STK3: variants seen among roughly 807,000 people sequenced by gnomAD.
The protein encoded by STK3 is serine/threonine-protein kinase 3.
A neutral mutation model predicts 58.0 loss-of-function variants in STK3; 41 were observed. The ratio of observed to expected loss-of-function variants is 0.71; its 90% CI spans 0.55 to 0.92. The LOEUF (loss-of-function observed/expected upper bound fraction) is 0.92, where lower values mean the gene tolerates loss of function less well. STK3 is among the 40% of genes least tolerant of loss of function. STK3 has a pLI of 0.00. For synonymous variants in STK3, 170 were observed against 191.0 expected, an observed-to-expected ratio of 0.89 and a Z score of 0.91; for missense variants, 479 against 602.7, an observed-to-expected ratio of 0.79 and a Z score of 2.15.
chr8:98,411,431 C>T (rs75557161), intron 3 of STK3, among the ~76,000 whole-genome samples: 22 of 152,350 alleles, frequency 1.4e-4, no homozygotes, highest in African/African-American at 4.6e-4. Flanking sequence ...ACACTCAATA[C>T]GTCTCCTCAT....
chr8:98,404,652 C>T (rs935297864), intron 3 of STK3, among the ~76,000 whole-genome samples: 2 of 134,232 alleles, frequency 1.5e-5, no homozygotes, highest in African/African-American at 2.9e-5. Context: ...TGCACTCCAG[C>T]CTGGGTGAAA....
In STK3 at chr8:98,759,468, T is replaced by C. The variant is rs191360780; in HGVS notation, c.236+7775A>G. Among the ~76,000 whole-genome samples, 3 of 152,148 alleles carry C rather than the reference T, an allele frequency of 2.0e-5. No individual in the cohort carries two copies. The East Asian group carries it at 5.8e-4, about 29-fold the overall frequency. On this transcript the variant is annotated intron_variant, in intron 3 of 10. Transcript: ENST00000419617. ...CCTCAAAACAATTACAACAGTAACA[T>C]CAAAGATCACTGATCACAGATCACC...
chr8:98,769,364 T>C (rs1021246380), intron 2 of STK3, among the ~76,000 whole-genome samples: 4 of 152,194 alleles, frequency 2.6e-5, no homozygotes, highest in African/African-American at 4.8e-5. Context: ...GTTCTCATGA[T>C]AGTGAATGGG....
intron 1 of STK3, among the ~76,000 whole-genome samples, chr8:98,886,818 C>T (rs1347836853): frequency 6.6e-6 from 1 of 152,102 alleles, no homozygotes; most frequent in African/African-American, 2.4e-5. Flanking sequence ...ATCTTTTGGG[C>T]CAGGCACGGT....
chr8:98,618,129 T>C (rs532200648), intron 6 of STK3, among the ~76,000 whole-genome samples: 1 of 151,910 alleles, frequency 6.6e-6, no homozygotes. Flanking sequence ...TCAAGTGGGC[T>C]TCATCCCTGG....
intron 8 of STK3, among the ~76,000 whole-genome samples, chr8:98,554,730 C>T (rs947861388): frequency 1.2e-4 from 18 of 152,030 alleles, no homozygotes; most frequent in East Asian, 9.7e-4. Context: ...ACTAGTTAAA[C>T]GAAATTAGAA....
At chr8:98,701,827 TTGG>T (rs1825647934) in intron 6 of STK3, among the ~76,000 whole-genome samples, 2 of 152,124 alleles carry the variant, frequency 1.3e-5, no homozygotes, top group African/African-American at 4.8e-5. Flanking sequence ...CAAAATTAAT[TTGG>T]TGGTTTCATA....
intron 8 of STK3, among the ~76,000 whole-genome samples, chr8:98,558,249 T>G (rs1366005774): frequency 1.3e-5 from 2 of 151,996 alleles, no homozygotes; most frequent in Non-Finnish European, 2.9e-5. Flanking sequence ...AGACTAAAAT[T>G]CCACTATTTG....
chr8:98,648,904 A>T (rs938252497), intron 6 of STK3, among the ~76,000 whole-genome samples: 3 of 151,760 alleles, frequency 2.0e-5, no homozygotes, highest in South Asian at 2.1e-4. Context: ...AAAAAAAAAA[A>T]AATTAGCCCG....
At chr8:98,638,415 T>C (rs1819776332) in intron 6 of STK3, 1 of 152,204 alleles carries the variant, frequency 6.6e-6, no homozygotes, top group South Asian at 2.1e-4. Context: ...AGATGGAAAT[T>C]ATTTACTCTA....
chr8:98,501,088 T>C lies in STK3; in HGVS notation c.1317+25654A>G, dbSNP rs192397420. On this transcript the variant is annotated intron_variant, in intron 10 of 10. Coordinates refer to ENST00000419617, the MANE Select transcript of STK3 (RefSeq NM_006281.4). ...CAGCATCTGTTGTTTCCTGACTTTTTAATGATCGCCATTCTAACCGGCATG... is the reference window on the plus strand; with the variant it reads ...CAGCATCTGTTGTTTCCTGACTTTTCAATGATCGCCATTCTAACCGGCATG... 5.9e-3 allele frequency among the ~76,000 whole-genome samples: 892 copies of C among 152,296 alleles called. 6 individuals are homozygous for C. The highest frequency in any genetic ancestry group is 0.02 in the African/African-American group (817 of 41,568).
rs1563702776 is a variant in STK3 at position 98,526,888 on chromosome 8, G to A, written c.1171C>T (p.Pro391Ser). ...RNATSPQVQR[P>S]SFMDYFDKQD... The stretch of plus-strand genomic sequence containing the variant: ...TTATCAAAGTAGTCCATGAAAGATG[G>A]TCTTTGTACTTGTGGTGAGGTTGCA... Residue 391 changes from proline (P) to serine (S), a missense_variant, in exon 10 of 11, where the codon CCA becomes TCA. By Grantham distance (74) the Pro-to-Ser change is moderately conservative (BLOSUM62 -1). This residue lies in a region of STK3 where 309 missense variants were observed against 355.7 expected (regional missense o/e 0.87). Transcript: ENST00000419617. The A allele has an allele frequency of 4.4e-6, 7 of 1,583,748 alleles. No individual in the cohort carries two copies. In the Middle Eastern group the frequency reaches 8.4e-4, roughly 191 times the overall value.
intron 8 of STK3, among the ~76,000 whole-genome samples, chr8:98,567,268 A>G (rs2131663872): frequency 6.6e-6 from 1 of 152,256 alleles, no homozygotes; most frequent in South Asian, 2.1e-4. Flanking sequence ...CGCAAAGTCG[A>G]CTCAATGCAA....
chr8:98,940,182 C>A (rs1840354805), intron 1 of STK3, among the ~76,000 whole-genome samples: 2 of 152,150 alleles, frequency 1.3e-5, no homozygotes, highest in South Asian at 4.1e-4. Context: ...GAGCCGTATC[C>A]AGCTTGTGCA....
chr8:98,726,818 A>G (rs1827827177), intron 4 of STK3, among the ~76,000 whole-genome samples: 1 of 152,190 alleles, frequency 6.6e-6, no homozygotes, highest in Admixed American at 6.5e-5. Context: ...CTTGAGAAAC[A>G]TCAACCTTAC....
At chr8:98,527,884 AATTT>A (rs1392753999) in intron 9 of STK3, among the ~76,000 whole-genome samples, 1 of 152,124 alleles carries the variant, frequency 6.6e-6, no homozygotes, top group Non-Finnish European at 1.5e-5. Flanking sequence ...GTTGCCAATT[AATTT>A]ACCAGTTCTA....
chr8:98,939,760 T>C (rs1840335296), intron 1 of STK3, among the ~76,000 whole-genome samples: 1 of 152,252 alleles, frequency 6.6e-6, no homozygotes, highest in Non-Finnish European at 1.5e-5. Context: ...CGTGCCCTAG[T>C]CTTTTCCGAG....
chr8:98,840,633 A>G lies in STK3; in HGVS notation c.110+43014T>C, dbSNP rs747706173. On this transcript the variant is annotated intron_variant, in intron 3 of 12. Transcript: ENST00000523601. The stretch of plus-strand genomic sequence containing the variant: ...TATATATATATATATATATATACAC[A>G]CACATACGTTTTATATATATTTATA... Among the ~76,000 whole-genome samples the G allele has an allele frequency of 9.5e-4, 133 of 140,016 alleles. 2 individuals carry two copies. The highest frequency in any genetic ancestry group is 2.2e-3 in the South Asian group (10 of 4,464). The allele number at this position is 140,016 out of a possible 152,430, so 91.9% of individuals were successfully genotyped here.
chr8:98,589,409 C>CG (rs780015446), intron 7 of STK3, among the ~76,000 whole-genome samples: 1 of 152,200 alleles, frequency 6.6e-6, no homozygotes, highest in Non-Finnish European at 1.5e-5. Flanking sequence ...TTAGGCTGCC[C>CG]GGGGGTCAGG....
Sources: gnomAD v4.1 joint callset for allele counts (sites outside exome capture counted in the v4.1 genomes callset) on GRCh38, gnomAD v4.1.1 for gene constraint, gnomAD v4.1.1 regional missense constraint, MANE v1.5 for transcripts, NCBI Gene and HGNC (gene_info 2026-07-23, HGNC 2026-07-21) for gene names.